The following CNTNAP2 variants were observed in gnomAD, a reference collection of about 807,000 sequenced individuals.
The protein encoded by CNTNAP2 is contactin-associated protein-like 2.
Under a neutral mutation model 155.2 loss-of-function variants are expected in CNTNAP2, and 98 were observed. The ratio of observed to expected loss-of-function variants is 0.63; its 90% CI spans 0.54 to 0.75. CNTNAP2 has a LOEUF of 0.75. Among genes scored for constraint, CNTNAP2 ranks in the 30% least tolerant of loss-of-function variants. The probability of loss-of-function intolerance (pLI) is 0.00; values close to 1 mark genes in which losing one functional copy is unlikely to be tolerated. For missense variants in CNTNAP2, 1,727 were observed against 1,688.1 expected, an observed-to-expected ratio of 1.02 and a Z score of -0.40; for synonymous variants, 651 against 631.2, an observed-to-expected ratio of 1.03 and a Z score of -0.47.
chr7:147,962,042 T>C (rs889983727), intron 14 of CNTNAP2, among the ~76,000 whole-genome samples: 4 of 128,150 alleles, frequency 3.1e-5, no homozygotes, highest in African/African-American at 9.9e-5. Context: ...ATTAATTTAA[T>C]TATTCAGTTA....
chr7:146,673,899 A>G (rs1563182956), intron 1 of CNTNAP2, among the ~76,000 whole-genome samples: 1 of 152,120 alleles, frequency 6.6e-6, no homozygotes, highest in African/African-American at 2.4e-5. Context: ...TAATTTCTAA[A>G]CAAACAAACC....
At chr7:148,326,864 C>CAAAAAA (rs200129283) in intron 21 of CNTNAP2, among the ~76,000 whole-genome samples, 1 of 129,084 alleles carries the variant, frequency 7.7e-6, no homozygotes, top group African/African-American at 2.9e-5. Flanking sequence ...GACCCCGTCT[C>CAAAAAA]AAAAAAAAAA....
At chr7:147,914,674 A>G (rs1002622475) in intron 14 of CNTNAP2, among the ~76,000 whole-genome samples, 1 of 152,086 alleles carries the variant, frequency 6.6e-6, no homozygotes, top group African/African-American at 2.4e-5. Flanking sequence ...TGATCCTCCC[A>G]CTTCAGCTGG....
intron 1 of CNTNAP2, among the ~76,000 whole-genome samples, chr7:146,723,123 G>T (rs931516490): frequency 1.3e-5 from 2 of 152,140 alleles, no homozygotes; most frequent in African/African-American, 4.8e-5. Flanking sequence ...AGGCAAGATG[G>T]GTGTTGGGGT....
chr7:146,975,357 C>A (rs1354751934), intron 3 of CNTNAP2, among the ~76,000 whole-genome samples: 1 of 152,066 alleles, frequency 6.6e-6, no homozygotes, highest in Middle Eastern at 3.2e-3. Context: ...CCCAGATACT[C>A]AGGAGGCTGA....
At chr7:146,369,988 C>A (rs762728060) in intron 1 of CNTNAP2, among the ~76,000 whole-genome samples, 2 of 151,718 alleles carry the variant, frequency 1.3e-5, no homozygotes, top group African/African-American at 4.8e-5. Flanking sequence ...ATGTTTAAAT[C>A]GTTGCTAAAT....
chr7:147,346,537 C>T (rs1446734838), intron 9 of CNTNAP2, among the ~76,000 whole-genome samples: 1 of 152,100 alleles, frequency 6.6e-6, no homozygotes, highest in Non-Finnish European at 1.5e-5. Context: ...TCAGTCATTG[C>T]CTTTTCAGTA....
intron 14 of CNTNAP2, among the ~76,000 whole-genome samples, chr7:147,949,399 T>C (rs905987216): frequency 6.7e-6 from 1 of 148,816 alleles, no homozygotes; most frequent in Non-Finnish European, 1.5e-5. Context: ...ATAAGTGGAC[T>C]CACACAGTTC....
intron 4 of CNTNAP2, among the ~76,000 whole-genome samples, chr7:147,091,593 A>T (rs1230054742): frequency 4.0e-5 from 6 of 149,550 alleles, no homozygotes; most frequent in African/African-American, 1.5e-4. Flanking sequence ...CTGGGACTAC[A>T]GGTGCGCACC....
intron 8 of CNTNAP2, among the ~76,000 whole-genome samples, chr7:147,275,363 A>G (rs1464955549): frequency 2.6e-5 from 4 of 151,606 alleles, no homozygotes; most frequent in Admixed American, 6.6e-5. Context: ...TCTTGTAAAG[A>G]TCTTTCACCT....
chr7:146,315,177 G>A (rs973603760), intron 1 of CNTNAP2, among the ~76,000 whole-genome samples: 3 of 152,164 alleles, frequency 2.0e-5, no homozygotes, highest in Admixed American at 2.0e-4. Flanking sequence ...TCCAGGGGAA[G>A]GGTGGAAGCT....
chr7:146,603,147 T>A (rs1442041749), intron 1 of CNTNAP2, among the ~76,000 whole-genome samples: 1 of 151,414 alleles, frequency 6.6e-6, no homozygotes, highest in Non-Finnish European at 1.5e-5. Flanking sequence ...GCGAGGTGGC[T>A]CACGCCTGTA....
At chr7:148,312,537 G>C (rs1234023582) in intron 21 of CNTNAP2, among the ~76,000 whole-genome samples, 1 of 152,168 alleles carries the variant, frequency 6.6e-6, no homozygotes, top group Non-Finnish European at 1.5e-5. Context: ...GCATGTTTGA[G>C]ATCCAGAACA....
intron 11 of CNTNAP2, among the ~76,000 whole-genome samples, chr7:147,546,339 A>G (rs142432169): frequency 3.7e-4 from 57 of 152,308 alleles, no homozygotes; most frequent in Non-Finnish European, 7.9e-4. Context: ...AAATGGAACT[A>G]TTAATAATTT....
At chr7:146,783,766 C>T (rs184390625) in intron 2 of CNTNAP2, among the ~76,000 whole-genome samples, 8 of 152,318 alleles carry the variant, frequency 5.3e-5, no homozygotes, top group African/African-American at 1.4e-4. Context: ...GGTGAACACA[C>T]GTATATACAT....
chr7:148,331,331 A>T (rs1375742869), intron 21 of CNTNAP2, among the ~76,000 whole-genome samples: 4 of 146,074 alleles, frequency 2.7e-5, no homozygotes, highest in Non-Finnish European at 6.0e-5. Flanking sequence ...GAATGGACGG[A>T]TGGAATGGAC....
intron 10 of CNTNAP2, among the ~76,000 whole-genome samples, chr7:147,396,845 C>A (rs978784526): frequency 6.6e-6 from 1 of 151,930 alleles, no homozygotes; most frequent in African/African-American, 2.4e-5. Flanking sequence ...GATGAAAGTT[C>A]TTTAAATTTT....
intron 18 of CNTNAP2, among the ~76,000 whole-genome samples, chr7:148,187,255 CT>C (rs1386406191): frequency 6.6e-6 from 1 of 152,094 alleles, no homozygotes; most frequent in East Asian, 1.9e-4. Context: ...CGTATCCATG[CT>C]TTTGTGTTAA....
chr7:147,242,603 G>T (rs371923797), intron 8 of CNTNAP2, among the ~76,000 whole-genome samples: 1 of 152,142 alleles, frequency 6.6e-6, no homozygotes, highest in South Asian at 2.1e-4. Context: ...TACCCCGATC[G>T]TTTTGCTGCC....
Sources: allele counts gnomAD v4.1 joint callset (sites outside exome capture counted in the v4.1 genomes callset), GRCh38; gene constraint gnomAD v4.1.1; transcripts MANE v1.5; gene names NCBI Gene and HGNC (gene_info 2026-07-23, HGNC 2026-07-21).